The following ZNF35 variants were observed in gnomAD, a reference collection of about 807,000 sequenced individuals.
ZNF35 encodes zinc finger protein 35 (clone HF.10).
ZNF35 carries 31 observed loss-of-function variants against 45.9 expected under a neutral mutation model. The ratio of observed to expected loss-of-function variants is 0.68; its 90% confidence interval spans 0.51 to 0.91. The LOEUF is 0.91. Ranked by LOEUF, ZNF35 falls within the 40% of genes least tolerant of loss-of-function variation. The pLI is 0.00. For missense variants in ZNF35, 515 were observed against 625.4 expected, an observed-to-expected ratio of 0.82 and a Z score of 1.88; for synonymous variants, 205 against 220.2, an observed-to-expected ratio of 0.93 and a Z score of 0.61.
intron 1 of ZNF35, among the ~76,000 whole-genome samples, chr3:44,649,091 A>T (rs961470457): frequency 2.2e-4 from 34 of 152,234 alleles, no homozygotes; most frequent in African/African-American, 8.2e-4. Flanking sequence ...CGAGGAGCCT[A>T]TACGTGGAAA....
At position 44,652,537 on chromosome 3, in the gene ZNF35, A is replaced by T. The variant is rs1304610420; in HGVS notation, c.193-20A>T. On this transcript the variant is annotated intron_variant, in intron 2 of 3. Transcript: ENST00000396056. ...CCCTACCACCAGTTCCCTCTTAAACATGTGCCTGCTTGTCTCTAGGGTCAG... is the reference window on the plus strand; with the variant it reads ...CCCTACCACCAGTTCCCTCTTAAACTTGTGCCTGCTTGTCTCTAGGGTCAG... 2 of 1,551,240 alleles carry T rather than the reference A, an allele frequency of 1.3e-6. No individual in the cohort carries two copies. The highest frequency in any genetic ancestry group is 4.7e-5 in the East Asian group (2 of 42,308).
At chr3:44,649,263 A>G (rs567718716) in intron 1 of ZNF35, among the ~76,000 whole-genome samples, 8 of 152,346 alleles carry the variant, frequency 5.3e-5, no homozygotes, top group African/African-American at 1.4e-4. Flanking sequence ...AACTAGTCTT[A>G]AGGACCTTCA....
In ZNF35 at chr3:44,658,793, A is replaced by G. The variant is rs1703353264; in HGVS notation, c.430A>G (p.Lys144Glu). 2 of 1,610,970 alleles carry G rather than the reference A, an allele frequency of 1.2e-6. No homozygotes were observed. Among genetic ancestry groups the G allele is most frequent in the African/African-American group, 2.7e-5 (2 of 74,760 alleles). The change falls in exon 4 of 4, where the codon AAA (lysine) becomes GAA (glutamate). Residue 144 changes from lysine to glutamate, a missense_variant. Physicochemically the swap from Lys to Glu is moderately conservative, Grantham distance 56. Around this residue, in one of 3 missense-constraint regions of ZNF35, gnomAD observed 275 missense variants for 295.7 expected, o/e 0.93. Coordinates refer to ENST00000396056, the MANE Select transcript of ZNF35 (RefSeq NM_003420.4). Reference sequence around the variant, plus strand: ...CCTCATCATATCAGAAAGAATCCAGAAAGCTGATCCTCAAGGACCTGAGTT... The same window carrying G: ...CCTCATCATATCAGAAAGAATCCAGGAAGCTGATCCTCAAGGACCTGAGTT... ...KPLIISERIQ[K>E]ADPQGPELGE...
Position 44,659,878 on chromosome 3 carries a change from G to A in ZNF35, c.1515G>A (p.Glu505=). ...THTGEKPYEC[E]KCGAAFISNS... is the part of the protein sequence containing the mutation. ...CTGGGGAGAAGCCCTATGAATGTGA[G>A]AAGTGTGGTGCAGCTTTCATTTCCA... is the stretch of plus-strand genomic sequence containing the variant. Residue 505 remains glutamate, a synonymous_variant, in exon 4 of 4, where the codon GAG becomes GAA. Coordinates refer to ENST00000396056, the MANE Select transcript of ZNF35 (RefSeq NM_003420.4). This position sits in a 1 kb window ranked among gnomAD's most constrained non-coding sequence, Gnocchi z 4.3. 6.2e-7 allele frequency: 1 copy of A among 1,608,478 alleles called. No homozygotes were observed. The highest frequency in any genetic ancestry group is 8.5e-7 in the Non-Finnish European group (1 of 1,176,868).
intron 3 of ZNF35, among the ~76,000 whole-genome samples, chr3:44,654,102 C>T (rs1703253042): frequency 6.6e-6 from 1 of 152,210 alleles, no homozygotes; most frequent in African/African-American, 2.4e-5. Flanking sequence ...CACTTATTTT[C>T]TGTCTCTGAG....
In ZNF35 at chr3:44,658,891, A is replaced by G. The variant is rs530319721; in HGVS notation, c.528A>G (p.Gln176=). The change falls in exon 4 of 4, where the codon CAA becomes CAG. Residue 176 remains glutamine (Q), a synonymous_variant. Transcript: ENST00000396056. ...RIKREKKDFR[Q]VIVNDCHLPE... is the part of the protein sequence containing the mutation. ...AGAGAGAAAAGAAAGATTTCAGACA[A>G]GTGATAGTGAATGACTGTCACTTAC... 2.0e-4 allele frequency: 323 copies of G among 1,612,612 alleles called. 3 individuals carry two copies. In the South Asian group the frequency reaches 3.5e-3, roughly 17 times the overall value.
intron 3 of ZNF35, among the ~76,000 whole-genome samples, chr3:44,657,669 A>G (rs751934073): frequency 1.9e-4 from 29 of 152,202 alleles, no homozygotes; most frequent in Non-Finnish European, 3.2e-4. Flanking sequence ...GGAGCAGGCT[A>G]TGCCATAACT....
Position 44,652,662 on chromosome 3 carries a change from A to G in ZNF35, c.298A>G (p.Ser100Gly), listed in dbSNP as rs1703225514. The G allele has an allele frequency of 1.2e-6, 2 of 1,610,840 alleles. No homozygotes were observed. Among genetic ancestry groups the G allele is most frequent in the African/African-American group, 2.7e-5 (2 of 74,900 alleles). Reference protein sequence around the residue: ...SYSLPGTLAKSEILETHGTMN... With the variant: ...SYSLPGTLAKGEILETHGTMN... ...CTCATTACCAGGGACTCTGGCCAAGAGTGAGATACTGGAGACTCATGGGAC... is the reference window on the plus strand; with the variant it reads ...CTCATTACCAGGGACTCTGGCCAAGGGTGAGATACTGGAGACTCATGGGAC... Residue 100 changes from serine to glycine, a missense_variant, in exon 3 of 4, where the codon AGT becomes GGT. Ser to Gly is a moderately conservative substitution (Grantham distance 56). Around this residue, in one of 3 missense-constraint regions of ZNF35, gnomAD observed 275 missense variants for 295.7 expected, o/e 0.93. Transcript: ENST00000396056.
intron 3 of ZNF35, among the ~76,000 whole-genome samples, chr3:44,658,435 G>A (rs1395563184): frequency 6.6e-6 from 1 of 152,198 alleles, no homozygotes; most frequent in Admixed American, 6.5e-5. Context: ...ATGAGGCAGC[G>A]GGCAGCGGGG....
At chr3:44,654,381 G>T (rs996655419) in intron 3 of ZNF35, among the ~76,000 whole-genome samples, 4 of 152,204 alleles carry the variant, frequency 2.6e-5, no homozygotes, top group Admixed American at 2.6e-4. Context: ...CTGTGACCTT[G>T]AGTAAGTCCC....
rs541104108 is a variant in ZNF35, at chr3:44,651,523, A to G, written c.192+264A>G. Among the ~76,000 whole-genome samples, 8 of 152,216 alleles carry G rather than the reference A, an allele frequency of 5.3e-5. No individual in the cohort carries two copies. The East Asian group carries it at 5.8e-4, about 11-fold the overall frequency. ...AATCTTGATGTCCATACTGTATTCT[A>G]TTCCTATTAAATCAGAATCCGTGGT... On this transcript the variant is annotated intron_variant, in intron 2 of 3. Transcript: ENST00000396056.
rs1185335015 is a variant in ZNF35 at position 44,652,675 on chromosome 3, A to G, written c.311A>G (p.Glu104Gly). The change falls in exon 3 of 4, where the codon GAG becomes GGG. Residue 104 changes from glutamate to glycine, a missense_variant. This residue lies in a region of ZNF35 where 275 missense variants were observed against 295.7 expected (regional missense o/e 0.93). Transcript: ENST00000396056. ...ACTCTGGCCAAGAGTGAGATACTGGAGACTCATGGGACCATGAACTTTCTA... is the reference window on the plus strand; with the variant it reads ...ACTCTGGCCAAGAGTGAGATACTGGGGACTCATGGGACCATGAACTTTCTA... ...PGTLAKSEIL[E>G]THGTMNFLGA... The G allele has an allele frequency of 6.2e-7, 1 of 1,607,982 alleles. No homozygotes were observed. The highest frequency in any genetic ancestry group is 8.5e-7 in the Non-Finnish European group (1 of 1,177,428).
chr3:44,647,098 T>TA (rs1266514179), upstream of ZNF35: 1 of 152,246 alleles, frequency 6.6e-6, no homozygotes, highest in Non-Finnish European at 1.5e-5. Context: ...AAGGGATTTG[T>TA]ATGTAAACTA....
Position 44,659,186 on chromosome 3 carries a change from C to A in ZNF35, c.823C>A (p.Gln275Lys), listed in dbSNP as rs778930777. Reference sequence around the variant, plus strand: ...TGTGCATCAGAGAATCCACACTGGACAGAAACCTTATGTTTGCTCAAAATG... The same window carrying A: ...TGTGCATCAGAGAATCCACACTGGAAAGAAACCTTATGTTTGCTCAAAATG... The part of the protein sequence containing the change: ...LVVHQRIHTG[Q>K]KPYVCSKCGK... The change falls in exon 4 of 4, where the codon CAG becomes AAG. Residue 275 changes from glutamine (Q) to lysine (K), a missense_variant. By Grantham distance (53) the Gln-to-Lys change is moderately conservative. Transcript: ENST00000396056. The surrounding 1 kb of genome is among the most constrained non-coding windows in gnomAD (Gnocchi z 4.3). 3 of 1,613,960 alleles carry A rather than the reference C, an allele frequency of 1.9e-6. No homozygotes were observed. Among genetic ancestry groups the A allele is most frequent in the Non-Finnish European group, 2.5e-6 (3 of 1,179,970 alleles).
chr3:44,649,464 T>C (rs1406901690), intron 1 of ZNF35, among the ~76,000 whole-genome samples: 1 of 152,184 alleles, frequency 6.6e-6, no homozygotes, highest in Non-Finnish European at 1.5e-5. Context: ...CGCACCCTTT[T>C]CCAATAAAAC....
chr3:44,646,626 G>C (rs1702974937), upstream of ZNF35: 2 of 748,742 alleles, frequency 2.7e-6, no homozygotes, highest in Non-Finnish European at 4.7e-6. Flanking sequence ...AGAGAGGGGA[G>C]TGAAAATTGT....
chr3:44,652,629 G>A lies in ZNF35; in HGVS notation c.265G>A (p.Gly89Ser). Reference protein sequence around the residue: ...TQEAPAASTLGSYSLPGTLAK... With the variant: ...TQEAPAASTLSSYSLPGTLAK... ...GGAGGCACCTGCTGCTTCAACCCTT[G>A]GCAGCTACTCATTACCAGGGACTCT... is the stretch of plus-strand genomic sequence containing the variant. Residue 89 changes from glycine to serine, a missense_variant, in exon 3 of 4, where the codon GGC (glycine) becomes AGC (serine). This residue lies in a region of ZNF35 where 275 missense variants were observed against 295.7 expected (regional missense o/e 0.93). Coordinates refer to ENST00000396056, the MANE Select transcript of ZNF35 (RefSeq NM_003420.4). 1.8e-5 allele frequency: 29 copies of A among 1,610,844 alleles called. No homozygotes were observed. The highest frequency in any genetic ancestry group is 2.5e-5 in the Non-Finnish European group (29 of 1,178,736).
intron 1 of ZNF35, among the ~76,000 whole-genome samples, chr3:44,649,428 C>T (rs1436667099): frequency 6.6e-6 from 1 of 152,188 alleles, no homozygotes; most frequent in Non-Finnish European, 1.5e-5. Flanking sequence ...ACTTCAATAG[C>T]AGCAACAGGG....
chr3:44,649,923 A>C (rs1050596746), intron 1 of ZNF35, among the ~76,000 whole-genome samples: 1 of 152,240 alleles, frequency 6.6e-6, no homozygotes, highest in African/African-American at 2.4e-5. Flanking sequence ...TTGAGTTAAA[A>C]AACAATGCAG....
Sources: allele counts gnomAD v4.1 joint callset (sites outside exome capture counted in the v4.1 genomes callset), GRCh38; gene constraint gnomAD v4.1.1; regional missense constraint gnomAD v4.1.1; non-coding constraint Gnocchi (gnomAD v3.1); transcripts MANE v1.5; gene names NCBI Gene and HGNC (gene_info 2026-07-23, HGNC 2026-07-21).